The following SLC9A9 variants were observed in gnomAD, a reference collection of about 807,000 sequenced individuals.
The protein encoded by SLC9A9 is solute carrier family 9 member A9, also known as sodium/hydrogen exchanger 9.
A neutral mutation model predicts 77.8 loss-of-function variants in SLC9A9; 62 were observed. The ratio of observed to expected loss-of-function variants is 0.80; its 90% CI spans 0.65 to 0.98. The LOEUF (loss-of-function observed/expected upper bound fraction) is 0.98. Among genes scored for constraint, SLC9A9 ranks in the 50% least tolerant of loss-of-function variants. The pLI is 0.00. For synonymous variants in SLC9A9, 320 were observed against 283.5 expected, an observed-to-expected ratio of 1.13 and a Z score of -1.29; for missense variants, 775 against 774.9, an observed-to-expected ratio of 1.00 and a Z score of 0.00.
At chr3:143,667,870 C>T (rs553278376) in intron 5 of SLC9A9, among the ~76,000 whole-genome samples, 23 of 152,218 alleles carry the variant, frequency 1.5e-4, no homozygotes, top group Admixed American at 1.2e-3. Flanking sequence ...TAGGAACACT[C>T]TTACACTGTT....
Position 143,544,327 on chromosome 3 carries a change from T to A in SLC9A9, c.1089+8035A>T, listed in dbSNP as rs561586466. On this transcript the variant is annotated intron_variant, in intron 9 of 15. Transcript: ENST00000316549. The stretch of plus-strand genomic sequence containing the variant: ...CTGCAAGCTCCGCCTCCTGGGTTCA[T>A]GCCATTCTCCTGTCTCAGCCTCCCA... Among the ~76,000 whole-genome samples the A allele has an allele frequency of 3.1e-3, 472 of 152,122 alleles. 2 individuals carry two copies. Among genetic ancestry groups the A allele is most frequent in the African/African-American group, 9.7e-3 (402 of 41,494 alleles).
chr3:143,326,778 C>A (rs1472523749), intron 14 of SLC9A9, among the ~76,000 whole-genome samples: 2 of 152,302 alleles, frequency 1.3e-5, no homozygotes, highest in East Asian at 3.9e-4. Context: ...AGATTGTAAA[C>A]TGCATGGTAA....
intron 2 of SLC9A9, among the ~76,000 whole-genome samples, chr3:143,804,935 G>T (rs190429292): frequency 1.3e-5 from 2 of 152,088 alleles, no homozygotes; most frequent in Non-Finnish European, 2.9e-5. Flanking sequence ...CCCCAGAACC[G>T]CTGAGGCCTT....
chr3:143,274,117 C>T (rs1472347739), intron 14 of SLC9A9, among the ~76,000 whole-genome samples: 2 of 152,140 alleles, frequency 1.3e-5, no homozygotes, highest in East Asian at 3.9e-4. Flanking sequence ...ATGATCATAT[C>T]TCAGCTTGTG....
chr3:143,430,812 T>C (rs1463513724), intron 12 of SLC9A9, among the ~76,000 whole-genome samples: 3 of 152,216 alleles, frequency 2.0e-5, no homozygotes, highest in African/African-American at 7.2e-5. Context: ...AGACTCAAGC[T>C]GAAGTCTGTT....
intron 6 of SLC9A9, among the ~76,000 whole-genome samples, chr3:143,610,523 G>A (rs189982457): frequency 1.3e-5 from 2 of 152,278 alleles, no homozygotes; most frequent in African/African-American, 2.4e-5. Context: ...TATCCAATCT[G>A]TTTCTCTGAG....
intron 11 of SLC9A9, among the ~76,000 whole-genome samples, chr3:143,467,542 G>C (rs13087107): frequency 0.073 from 11,134 of 152,088 alleles, 506 homozygotes; most frequent in Middle Eastern, 0.15. Context: ...TCAGGCATTC[G>C]AGACCAGCCT....
intron 6 of SLC9A9, among the ~76,000 whole-genome samples, chr3:143,579,032 G>T (rs182785233): frequency 6.3e-4 from 96 of 152,324 alleles, no homozygotes; most frequent in Admixed American, 1.0e-3. Flanking sequence ...TAAGGAATCT[G>T]CTGAGAAGAT....
At chr3:143,544,998 C>A (rs1006864423) in intron 9 of SLC9A9, among the ~76,000 whole-genome samples, 1 of 151,928 alleles carries the variant, frequency 6.6e-6, no homozygotes, top group Non-Finnish European at 1.5e-5. Context: ...GCTTTATTTC[C>A]GGGTTCTCTA....
rs111227017 is a variant in SLC9A9 at position 143,728,706 on chromosome 3, G to A, written c.534-35399C>T. 3.3e-5 allele frequency among the ~76,000 whole-genome samples: 5 copies of A among 152,164 alleles called. 1 individual carries two copies. Among genetic ancestry groups the A allele is most frequent in the African/African-American group, 1.2e-4 (5 of 41,542 alleles). ...AGAAGAATGACAGTGTATTGGCTTCGGGGAGGGAGGCAGCAGTGAGGACGT... is the reference window on the plus strand; with the variant it reads ...AGAAGAATGACAGTGTATTGGCTTCAGGGAGGGAGGCAGCAGTGAGGACGT... On this transcript the variant is annotated intron_variant, in intron 4 of 15. Coordinates refer to ENST00000316549, the MANE Select transcript of SLC9A9 (RefSeq NM_173653.4).
intron 14 of SLC9A9, among the ~76,000 whole-genome samples, chr3:143,302,686 C>A (rs2030577404): frequency 1.3e-5 from 2 of 152,242 alleles, no homozygotes; most frequent in South Asian, 4.2e-4. Flanking sequence ...AGGACAGATC[C>A]TCCAACCAGC....
chr3:143,654,300 C>CA (rs1312091405), intron 5 of SLC9A9, among the ~76,000 whole-genome samples: 19 of 151,686 alleles, frequency 1.3e-4, no homozygotes, highest in Non-Finnish European at 1.3e-4. Flanking sequence ...CTGCAAAATC[C>CA]AAAAAAAGAA....
At chr3:143,383,580 G>T (rs950448164) in intron 12 of SLC9A9, among the ~76,000 whole-genome samples, 1 of 152,160 alleles carries the variant, frequency 6.6e-6, no homozygotes, top group Non-Finnish European at 1.5e-5. Context: ...ACACAGTACT[G>T]GGGATCTTCC....
At chr3:143,515,999 T>G (rs2036197141) in intron 9 of SLC9A9, among the ~76,000 whole-genome samples, 1 of 152,204 alleles carries the variant, frequency 6.6e-6, no homozygotes, top group African/African-American at 2.4e-5. Flanking sequence ...TAGGAAAAAT[T>G]CTGGGCCTTG....
chr3:143,303,363 T>TTTTTC (rs900820939), intron 14 of SLC9A9, among the ~76,000 whole-genome samples: 1 of 150,260 alleles, frequency 6.7e-6, no homozygotes, highest in East Asian at 1.9e-4. Context: ...GGTTTTTTTC[T>TTTTTC]TTTTCTTTTC....
At chr3:143,609,281 C>CA (rs985528447) in intron 6 of SLC9A9, among the ~76,000 whole-genome samples, 4 of 151,884 alleles carry the variant, frequency 2.6e-5, no homozygotes, top group Admixed American at 6.6e-5. Flanking sequence ...AAGATGCAAG[C>CA]AAAAAAACAT....
Position 143,652,398 on chromosome 3 carries a change from T to C in SLC9A9, c.650-38A>G, listed in dbSNP as rs145993404. 3.6e-5 allele frequency: 55 copies of C among 1,529,102 alleles called. No homozygotes were observed. In the East Asian group the frequency reaches 1.2e-3, roughly 33 times the overall value. 94.7% of individuals were successfully genotyped at this position (1,529,102 alleles called of 1,614,324 possible). On this transcript the variant is annotated intron_variant, in intron 5 of 15. Coordinates refer to ENST00000316549, the MANE Select transcript of SLC9A9 (RefSeq NM_173653.4). ...ACACAAACATGCAGGTTAGCTTGGA[T>C]GCAGGCATGGAGTTTTCCTTGGCTA...
At chr3:143,839,586 A>G (rs368746612) in intron 1 of SLC9A9, among the ~76,000 whole-genome samples, 38 of 152,142 alleles carry the variant, frequency 2.5e-4, no homozygotes, top group Non-Finnish European at 4.6e-4. Context: ...ATGCACATAC[A>G]TAGACACAAC....
intron 13 of SLC9A9, among the ~76,000 whole-genome samples, chr3:143,365,179 G>A (rs745772797): frequency 1.3e-5 from 2 of 152,150 alleles, no homozygotes; most frequent in Admixed American, 6.5e-5. Flanking sequence ...TGCAGGAAGA[G>A]AAAACCAAAT....
Sources: allele counts gnomAD v4.1 joint callset (sites outside exome capture counted in the v4.1 genomes callset), GRCh38; gene constraint gnomAD v4.1.1; transcripts MANE v1.5; gene names NCBI Gene and HGNC (gene_info 2026-07-23, HGNC 2026-07-21).